Variants in SBF2 observed in about 807,000 individuals in gnomAD.
SBF2 encodes myotubularin-related protein 13.
Under a neutral mutation model 225.2 loss-of-function variants are expected in SBF2, and 112 were observed. The ratio of observed to expected loss-of-function variants is 0.50; its 90% CI spans 0.43 to 0.58. The LOEUF (loss-of-function observed/expected upper bound fraction) is 0.58. SBF2 is among the 20% of genes least tolerant of loss of function. The pLI is 0.00. For synonymous variants in SBF2, 763 were observed against 773.3 expected (o/e 0.99, Z 0.22); for missense variants, 1,996 against 2,206.2 (o/e 0.90, Z 1.91).
At chr11:10,304,318 A>C (rs973135134) in intron 1 of SBF2, among the ~76,000 whole-genome samples, 4 of 152,254 alleles carry the variant, frequency 2.6e-5, no homozygotes, top group Non-Finnish European at 5.9e-5. Flanking sequence ...TGACCTTATA[A>C]GGCATAATAG....
chr11:9,810,799 TTGG>T (rs1854137191), intron 30 of SBF2: 1 of 152,234 alleles, frequency 6.6e-6, no homozygotes, highest in Admixed American at 6.5e-5. Flanking sequence ...AGAAAGTAGT[TTGG>T]TGATTTCTCA....
intron 17 of SBF2, among the ~76,000 whole-genome samples, chr11:9,860,082 G>A (rs2017503): frequency 0.37 from 55,925 of 151,898 alleles, 10,824 homozygotes; most frequent in African/African-American, 0.5. Context: ...AACAAAATGT[G>A]TGTGGTTTTG....
Position 10,271,184 on chromosome 11 carries a change from G to C in SBF2, c.55+22831C>G, listed in dbSNP as rs142398473. Among the ~76,000 whole-genome samples the C allele has an allele frequency of 5.7e-3, 719 of 125,824 alleles. 39 individuals carry two copies. Among genetic ancestry groups the C allele is most frequent in the African/African-American group, 0.019 (670 of 35,964 alleles). The allele number at this position is 125,824 out of a possible 152,430, so 82.5% of individuals were successfully genotyped here. A position where few individuals can be genotyped will look rare whatever the true frequency, so the allele number is the denominator to read the frequency against. ...AGTAGCAATTGCAAAACCAAGGACA[G>C]CAATCTTGATTCTTTTTTTTTTTTT... On this transcript the variant is annotated intron_variant, in intron 1 of 39. Coordinates refer to ENST00000256190, the MANE Select transcript of SBF2 (RefSeq NM_030962.4).
intron 6 of SBF2, among the ~76,000 whole-genome samples, chr11:10,027,406 T>C (rs989345020): frequency 6.6e-5 from 10 of 152,154 alleles, no homozygotes; most frequent in African/African-American, 2.4e-4. Flanking sequence ...AGTATATGGA[T>C]AGGGACACTG....
chr11:10,269,664 C>A (rs1351445725), intron 1 of SBF2, among the ~76,000 whole-genome samples: 4 of 152,176 alleles, frequency 2.6e-5, no homozygotes, highest in Non-Finnish European at 5.9e-5. Context: ...TTTATGAATG[C>A]AGAAACTGAG....
intron 1 of SBF2, among the ~76,000 whole-genome samples, chr11:10,275,717 A>G (rs374608465): frequency 6.6e-6 from 1 of 152,186 alleles, no homozygotes; most frequent in Non-Finnish European, 1.5e-5. Context: ...TAGAAGGAGT[A>G]AAACAAAAAC....
rs1376562734 is a variant in SBF2 at position 9,856,429 on chromosome 11, G to C, written c.2363+29C>G. 4 of 1,612,806 alleles carry C rather than the reference G, an allele frequency of 2.5e-6. No individual in the cohort carries two copies. In the South Asian group the frequency reaches 3.3e-5, roughly 13 times the overall value. On this transcript the variant is annotated intron_variant, in intron 19 of 39. Coordinates refer to ENST00000256190, the MANE Select transcript of SBF2 (RefSeq NM_030962.4). ...AAGACTGGCCCCAAGAAGAGTAGGA[G>C]GAGGGTCTGTGTGTTCACATTTTGG...
chr11:9,915,445 C>CAA (rs60692182), intron 16 of SBF2, among the ~76,000 whole-genome samples: 2 of 109,648 alleles, frequency 1.8e-5, no homozygotes, highest in Non-Finnish European at 3.7e-5. Context: ...GAGTCCGTCT[C>CAA]AAAAAAAAAA....
intron 16 of SBF2, among the ~76,000 whole-genome samples, chr11:9,896,951 C>T (rs969545307): frequency 3.3e-5 from 5 of 152,048 alleles, no homozygotes; most frequent in Non-Finnish European, 7.4e-5. Context: ...AACAGTATAG[C>T]GATTCCACAC....
chr11:9,881,952 C>T (rs539327678), intron 17 of SBF2, among the ~76,000 whole-genome samples: 1 of 152,160 alleles, frequency 6.6e-6, no homozygotes, highest in Admixed American at 6.5e-5. Flanking sequence ...TTTGCCACTG[C>T]ACTTCAGCCT....
chr11:9,913,643 A>AATAAAATAAAATAAAAT (rs1862829631), intron 16 of SBF2, among the ~76,000 whole-genome samples: 1 of 144,742 alleles, frequency 6.9e-6, no homozygotes, highest in African/African-American at 2.5e-5. Context: ...CTGAGATTAA[A>AATAAAATAAAATAAAAT]AAAATAAAAT....
chr11:9,780,244 G>GAAAC lies in SBF2; in HGVS notation c.*170_*173dup, dbSNP rs146434431. 3.5e-4 allele frequency: 233 copies of GAAAC among 671,726 alleles called. No individual in the cohort carries two copies. The highest frequency in any genetic ancestry group is 3.1e-3 in the African/African-American group (175 of 56,396). 41.6% of individuals were successfully genotyped at this position (671,726 alleles called of 1,614,324 possible). On this transcript the variant is annotated 3_prime_UTR_variant, in exon 40 of 40. Transcript: ENST00000256190. ...ATGGGGCTGTTGACCAGACCTGTGTGAAACACCTATTCAGGTTAAGTAGAT... is the reference window on the plus strand; with the variant it reads ...ATGGGGCTGTTGACCAGACCTGTGTGAAACAAACACCTATTCAGGTTAAGTAGAT...
chr11:9,852,846 C>G, intron 20 of SBF2, 97 bp from the exon 21 acceptor site: 1 of 955,152 alleles, frequency 1.0e-6, no homozygotes, highest in Admixed American at 1.7e-5. Context: ...TTACAGTTTA[C>G]TGGTTCCTCA....
At chr11:10,053,615 C>T (rs1439109524) in intron 2 of SBF2, among the ~76,000 whole-genome samples, 1 of 152,038 alleles carries the variant, frequency 6.6e-6, no homozygotes, top group African/African-American at 2.4e-5. Context: ...AAAGACCCAG[C>T]CTGGTGGCTC....
chr11:10,191,348 TA>T (rs1957160792), intron 2 of SBF2, among the ~76,000 whole-genome samples: 1 of 152,188 alleles, frequency 6.6e-6, no homozygotes. Flanking sequence ...ATATACAGAA[TA>T]TTCACACTCT....
At chr11:10,100,369 G>C (rs1013415580) in intron 2 of SBF2, among the ~76,000 whole-genome samples, 1 of 152,222 alleles carries the variant, frequency 6.6e-6, no homozygotes, top group African/African-American at 2.4e-5. Flanking sequence ...CCTGCCTGTG[G>C]TTCAGTAGCC....
At chr11:9,909,478 T>C (rs1003712482) in intron 16 of SBF2, among the ~76,000 whole-genome samples, 3 of 152,032 alleles carry the variant, frequency 2.0e-5, no homozygotes, top group Non-Finnish European at 4.4e-5. Context: ...GAGACCATCC[T>C]GGCTAACACA....
At chr11:9,877,616 A>C (rs975535532) in intron 17 of SBF2, among the ~76,000 whole-genome samples, 1 of 151,914 alleles carries the variant, frequency 6.6e-6, no homozygotes, top group Non-Finnish European at 1.5e-5. Context: ...TTCACTGTTC[A>C]ATCCTCACCT....
At chr11:10,036,423 A>G (rs1590809076) in intron 3 of SBF2, among the ~76,000 whole-genome samples, 1 of 152,188 alleles carries the variant, frequency 6.6e-6, no homozygotes, top group Admixed American at 6.5e-5. Context: ...AAAAAAAATA[A>G]AAGTATACTT....
Sources: allele counts gnomAD v4.1 joint callset (sites outside exome capture counted in the v4.1 genomes callset), GRCh38; gene constraint gnomAD v4.1.1; transcripts MANE v1.5; gene names NCBI Gene and HGNC (gene_info 2026-07-23, HGNC 2026-07-21).